The following SUGCT variants were observed in gnomAD, a reference collection of about 807,000 sequenced individuals.
SUGCT encodes the protein succinyl-CoA:glutarate-CoA transferase.
In SUGCT, 41 loss-of-function variants were observed where a neutral mutation model predicts 55.0. That is an observed-to-expected ratio of 0.74 (90% CI 0.58 to 0.97). The LOEUF (loss-of-function observed/expected upper bound fraction) is 0.97. SUGCT is among the 50% of genes least tolerant of loss of function. The probability of loss-of-function intolerance (pLI) is 0.00; values close to 1 mark genes in which losing one functional copy is unlikely to be tolerated. For missense variants in SUGCT, 568 were observed against 547.8 expected (o/e 1.04, Z -0.37); for synonymous variants, 187 against 200.4 (o/e 0.93, Z 0.56).
At chr7:40,153,953 A>G in intron 1 of SUGCT, 1 of 334,858 alleles carries the variant, frequency 3.0e-6, no homozygotes, top group Non-Finnish European at 5.9e-6. Flanking sequence ...GTCTGTGTAC[A>G]CCTACAACAG....
intron 3 of SUGCT, among the ~76,000 whole-genome samples, chr7:40,187,348 ATG>A (rs1785581392): frequency 6.6e-6 from 1 of 152,182 alleles, no homozygotes; most frequent in African/African-American, 2.4e-5. Context: ...TGATGAGTTA[ATG>A]GGTGCAGCAC....
chr7:40,892,788 G>A, the SUGCT span, among the ~76,000 whole-genome samples: 2 of 152,108 alleles, frequency 1.3e-5, no homozygotes, highest in South Asian at 2.1e-4. Context: ...TCCTCTCATC[G>A]TGACCTCACA....
chr7:40,577,507 G>T (rs1442054919), intron 12 of SUGCT, among the ~76,000 whole-genome samples: 2 of 151,632 alleles, frequency 1.3e-5, no homozygotes, highest in Non-Finnish European at 2.9e-5. Flanking sequence ...TCTGTATTTT[G>T]ATATACTCCC....
At chr7:40,914,580 G>A in the SUGCT span, among the ~76,000 whole-genome samples, 48,981 of 152,028 alleles carry the variant, frequency 0.32, 8,815 homozygotes, top group Admixed American at 0.44. Context: ...GTAGAGTATA[G>A]TAAATATTAG....
intron 13 of SUGCT, among the ~76,000 whole-genome samples, chr7:40,769,347 A>G (rs1788970203): frequency 6.6e-6 from 1 of 152,178 alleles, no homozygotes; most frequent in Non-Finnish European, 1.5e-5. Flanking sequence ...TGCCCTCTAA[A>G]TATGTCATGT....
At chr7:40,220,624 A>G (rs1004475378) in intron 6 of SUGCT, among the ~76,000 whole-genome samples, 2 of 152,222 alleles carry the variant, frequency 1.3e-5, no homozygotes, top group African/African-American at 2.4e-5. Flanking sequence ...CTCTTTATGC[A>G]GTAGTTTCTC....
At chr7:40,629,377 G>T (rs1799679099) in intron 12 of SUGCT, among the ~76,000 whole-genome samples, 1 of 152,110 alleles carries the variant, frequency 6.6e-6, no homozygotes. Context: ...GTTGTCAGAG[G>T]GTCAGGGGAG....
At chr7:40,196,509 C>G (rs954827383) in intron 6 of SUGCT, among the ~76,000 whole-genome samples, 29 of 151,992 alleles carry the variant, frequency 1.9e-4, no homozygotes, top group African/African-American at 7.0e-4. Context: ...GTAATTGAGT[C>G]TGGTAGTTGG....
At chr7:40,298,948 T>C (rs17171675) in intron 8 of SUGCT, among the ~76,000 whole-genome samples, 1,828 of 152,256 alleles carry the variant, frequency 0.012, 29 homozygotes, top group African/African-American at 0.042. Flanking sequence ...ACTTCTTACT[T>C]TGTGACTTGA....
At chr7:40,234,993 T>C (rs1042840422) in intron 6 of SUGCT, among the ~76,000 whole-genome samples, 3 of 152,120 alleles carry the variant, frequency 2.0e-5, no homozygotes, top group Non-Finnish European at 2.9e-5. Flanking sequence ...AAGATAGGCA[T>C]AGTGGAAATA....
intron 6 of SUGCT, among the ~76,000 whole-genome samples, chr7:40,199,760 G>A (rs1462094343): frequency 6.7e-6 from 1 of 149,896 alleles, no homozygotes; most frequent in Admixed American, 6.7e-5. Flanking sequence ...AGTTTGTAGT[G>A]GGAACACTGT....
intron 12 of SUGCT, among the ~76,000 whole-genome samples, chr7:40,532,759 T>C (rs1265377986): frequency 6.6e-6 from 1 of 152,158 alleles, no homozygotes; most frequent in Non-Finnish European, 1.5e-5. Flanking sequence ...CTGATTCCAT[T>C]ATGTCATCCA....
At chr7:40,929,153 T>C in the SUGCT span, among the ~76,000 whole-genome samples, 1 of 150,686 alleles carries the variant, frequency 6.6e-6, no homozygotes, top group Non-Finnish European at 1.5e-5. Context: ...AATTCCCACC[T>C]ATGAGTGAGA....
the SUGCT span, among the ~76,000 whole-genome samples, chr7:40,904,352 A>G: frequency 1.3e-5 from 2 of 152,156 alleles, no homozygotes; most frequent in Non-Finnish European, 2.9e-5. Context: ...TGGATTTTAC[A>G]CCATGAGGTC....
intron 13 of SUGCT, among the ~76,000 whole-genome samples, chr7:40,832,324 A>G (rs749780420): frequency 6.6e-6 from 1 of 152,122 alleles, no homozygotes; most frequent in African/African-American, 2.4e-5. Flanking sequence ...CCTCCATCCT[A>G]CAGGGTCATT....
In SUGCT at chr7:40,176,634, T is replaced by C. The variant is rs539800670; in HGVS notation, c.101-4313T>C. Among the ~76,000 whole-genome samples the C allele has an allele frequency of 2.6e-5, 4 of 152,138 alleles. No individual in the cohort carries two copies. The East Asian group carries it at 7.7e-4, about 29-fold the overall frequency. ...GCTAAATAACCTGATTATAATGTTA[T>C]TGATTATTTTGTTTTTTTTTTAAGG... On this transcript the variant is annotated intron_variant, in intron 1 of 13. Transcript: ENST00000335693.
chr7:40,444,637 GT>G (rs1289674442), intron 9 of SUGCT, among the ~76,000 whole-genome samples: 1 of 152,136 alleles, frequency 6.6e-6, no homozygotes, highest in African/African-American at 2.4e-5. Flanking sequence ...AGACGATGGG[GT>G]TTTCTAAATA....
At chr7:40,759,948 T>C (rs979436264) in intron 13 of SUGCT, among the ~76,000 whole-genome samples, 4 of 151,682 alleles carry the variant, frequency 2.6e-5, no homozygotes, top group Admixed American at 6.6e-5. Flanking sequence ...TTCTCAAGAG[T>C]ATATAAGTGT....
chr7:40,799,410 T>G (rs945714069), intron 13 of SUGCT, among the ~76,000 whole-genome samples: 1 of 152,160 alleles, frequency 6.6e-6, no homozygotes. Flanking sequence ...GCATTTTGTG[T>G]GAAAGATTGA....
Sources: gnomAD v4.1 joint callset for allele counts (sites outside exome capture counted in the v4.1 genomes callset) on GRCh38, gnomAD v4.1.1 for gene constraint, MANE v1.5 for transcripts, NCBI Gene and HGNC (gene_info 2026-07-23, HGNC 2026-07-21) for gene names.